Variants in DDO observed in about 807,000 individuals in gnomAD.
The protein encoded by DDO is D-aspartate oxidase, also known as D-aspartate oxidase, DDO.
Under a neutral mutation model 16.8 loss-of-function variants are expected in DDO, and 16 were observed. The observed-to-expected ratio is 0.95, with a 90% CI of 0.65 to 1.45. DDO has a LOEUF of 1.45. Among genes scored for constraint, DDO ranks in the 40% most tolerant of loss-of-function variants. The pLI is 0.00. For missense variants in DDO, 429 were observed against 420.3 expected (o/e 1.02, Z -0.18); for synonymous variants, 180 against 167.2 (o/e 1.08, Z -0.59).
chr6:110,400,646 C>G (rs1478353606), intron 4 of DDO, among the ~76,000 whole-genome samples: 9 of 152,266 alleles, frequency 5.9e-5, no homozygotes, highest in Admixed American at 6.5e-5. Context: ...AATGAGCCCT[C>G]TCTCCCAGGA....
chr6:110,393,506 G>A (rs1773185695), intron 4 of DDO, among the ~76,000 whole-genome samples, 164 bp from the exon 5 acceptor site: 6 of 152,190 alleles, frequency 3.9e-5, no homozygotes, highest in Admixed American at 3.9e-4. Flanking sequence ...GCCATCAACT[G>A]CTTCACATCC....
At chr6:110,391,208 AGCTGT>A (rs1317197444), downstream of DDO, among the ~76,000 whole-genome samples, 1 of 152,220 alleles carries the variant, frequency 6.6e-6, no homozygotes. Flanking sequence ...GTAAAGCTGT[AGCTGT>A]GCTAAGAGCT....
chr6:110,411,723 G>C (rs1291715476), intron 2 of DDO, among the ~76,000 whole-genome samples: 1 of 152,118 alleles, frequency 6.6e-6, no homozygotes, highest in East Asian at 1.9e-4. Flanking sequence ...TTTCCAGAAA[G>C]AGGGAAAAGG....
chr6:110,406,553 T>C (rs1773663049), intron 3 of DDO, among the ~76,000 whole-genome samples: 1 of 152,178 alleles, frequency 6.6e-6, no homozygotes, highest in Non-Finnish European at 1.5e-5. Flanking sequence ...CTCCACACTA[T>C]AGAAAACATA....
intron 4 of DDO, among the ~76,000 whole-genome samples, chr6:110,394,058 T>C (rs886539606): frequency 6.6e-6 from 1 of 152,194 alleles, no homozygotes; most frequent in Non-Finnish European, 1.5e-5. Flanking sequence ...CACATTTACC[T>C]TGTTGTGCAA....
At chr6:110,397,030 T>C (rs1279262716) in intron 4 of DDO, among the ~76,000 whole-genome samples, 1 of 152,212 alleles carries the variant, frequency 6.6e-6, no homozygotes, top group Non-Finnish European at 1.5e-5. Flanking sequence ...TTAGGAGGCC[T>C]CTACCCTTTA....
rs151067781 is a variant in DDO at position 110,415,488 on chromosome 6, T to C, written c.-26A>G. ...GTACCTGTCTCTGAAAAAGCAGTCT[T>C]GGAAGCCACCAAAATCTCTGGCACC... On this transcript the variant is annotated 5_prime_UTR_variant, in exon 1 of 5. Transcript: ENST00000368924. The C allele has an allele frequency of 1.1e-5, 17 of 1,614,116 alleles. No homozygotes were observed. The South Asian group carries it at 1.1e-4, about 10-fold the overall frequency.
intron 1 of DDO, among the ~76,000 whole-genome samples, chr6:110,414,262 T>C (rs1773966065): frequency 1.3e-5 from 2 of 152,244 alleles, no homozygotes; most frequent in Non-Finnish European, 2.9e-5. Context: ...ACAGAAAGTT[T>C]CAGCAGCTGA....
intron 4 of DDO, among the ~76,000 whole-genome samples, chr6:110,400,907 G>C (rs1773466296): frequency 6.6e-6 from 1 of 150,912 alleles, no homozygotes; most frequent in Admixed American, 6.6e-5. Flanking sequence ...GAGTGTGTGG[G>C]GCTCGGGCAT....
intron 4 of DDO, among the ~76,000 whole-genome samples, chr6:110,398,108 C>A (rs1187883887): frequency 3.3e-5 from 5 of 152,104 alleles, no homozygotes; most frequent in African/African-American, 1.2e-4. Context: ...ATTGTCCCAA[C>A]CTCCCATGAG....
intron 4 of DDO, among the ~76,000 whole-genome samples, chr6:110,401,137 T>C (rs1207382909): frequency 6.6e-6 from 1 of 152,202 alleles, no homozygotes; most frequent in East Asian, 1.9e-4. Flanking sequence ...CTGGGCCCCT[T>C]TGCTGCCATG....
chr6:110,410,334 T>C (rs977577299), intron 2 of DDO, among the ~76,000 whole-genome samples: 1 of 152,250 alleles, frequency 6.6e-6, no homozygotes, highest in East Asian at 1.9e-4. Flanking sequence ...GGCAGCCTTC[T>C]GAACACTCAC....
In DDO at chr6:110,413,410, G is replaced by A. The variant is rs200731273; in HGVS notation, c.53C>T (p.Thr18Met). The stretch of plus-strand genomic sequence containing the variant: ...CACCAGTTTGGAGATGCACACAGCC[G>A]TGGAGAGCCCCACCACACCTGCCCC... ...VVGAGVVGLSTAVCISKLVPR... is the reference protein window; with the variant it reads ...VVGAGVVGLSMAVCISKLVPR... The change falls in exon 2 of 5, where the codon ACG becomes ATG. Residue 18 changes from threonine to methionine, a missense_variant. By Grantham distance (81) the Thr-to-Met change is moderately conservative. Transcript: ENST00000368924. 3.0e-5 allele frequency: 49 copies of A among 1,614,036 alleles called. No individual in the cohort carries two copies. Among genetic ancestry groups the A allele is most frequent in the South Asian group, 1.1e-4 (10 of 91,060 alleles).
At position 110,393,088 on chromosome 6, in the gene DDO, T is replaced by G. The variant is rs1334889726; in HGVS notation, c.713A>C (p.Gln238Pro). The change falls in exon 5 of 5, where the codon CAA becomes CCA. Residue 238 changes from glutamine to proline, a missense_variant. Coordinates refer to ENST00000368924, the MANE Select transcript of DDO (RefSeq NM_001372108.2). ...CGGGGACAGATTCCAGTCCCCTTTT[T>G]GCCTAGTTCCACCTAGGGTTACATG... ...TSHVTLGGTRQKGDWNLSPDA... is the reference protein window; with the variant it reads ...TSHVTLGGTRPKGDWNLSPDA... 6.2e-7 allele frequency: 1 copy of G among 1,613,738 alleles called. No individual in the cohort carries two copies.
chr6:110,393,802 T>C (rs1320401644), intron 4 of DDO, among the ~76,000 whole-genome samples: 1 of 152,120 alleles, frequency 6.6e-6, no homozygotes. Flanking sequence ...GGTACAGGGG[T>C]CATATCCCCA....
intron 2 of DDO, among the ~76,000 whole-genome samples, chr6:110,411,087 T>C (rs942998577): frequency 6.6e-6 from 1 of 152,144 alleles, no homozygotes; most frequent in African/African-American, 2.4e-5. Context: ...CCTTCTCAAA[T>C]GCCAGCTGGC....
Position 110,393,083 on chromosome 6 carries a change from C to T in DDO, c.718G>A (p.Gly240Arg), listed in dbSNP as rs1393022443. 2 of 1,613,696 alleles carry T rather than the reference C, an allele frequency of 1.2e-6. No homozygotes were observed. The highest frequency in any genetic ancestry group is 1.7e-6 in the Non-Finnish European group (2 of 1,179,582). ...GCATCCGGGGACAGATTCCAGTCCC[C>T]TTTTTGCCTAGTTCCACCTAGGGTT... ...HVTLGGTRQK[G>R]DWNLSPDAEN... The change falls in exon 5 of 5, where the codon GGG becomes AGG. Residue 240 changes from glycine to arginine, a missense_variant. Transcript: ENST00000368924.
intron 2 of DDO, among the ~76,000 whole-genome samples, chr6:110,411,744 G>C (rs904536151): frequency 6.6e-6 from 1 of 151,934 alleles, no homozygotes; most frequent in African/African-American, 2.4e-5. Context: ...ACTTCAGAAG[G>C]GAGGACGGTT....
chr6:110,405,566 T>C (rs547988015), intron 3 of DDO, among the ~76,000 whole-genome samples: 1 of 152,342 alleles, frequency 6.6e-6, no homozygotes, highest in Admixed American at 6.5e-5. Flanking sequence ...GTACTACTAA[T>C]AGCTGCTATG....
Sources: gnomAD v4.1 joint callset for allele counts (sites outside exome capture counted in the v4.1 genomes callset) on GRCh38, gnomAD v4.1.1 for gene constraint, MANE v1.5 for transcripts, NCBI Gene and HGNC (gene_info 2026-07-23, HGNC 2026-07-21) for gene names.